DPYD: variants seen among roughly 807,000 people sequenced by gnomAD.
DPYD encodes the protein dihydropyrimidine dehydrogenase, also known as dihydropyrimidine dehydrogenase [NADP(+)].
A neutral mutation model predicts 116.2 loss-of-function variants in DPYD; 109 were observed. The ratio of observed to expected loss-of-function variants is 0.94; its 90% CI spans 0.80 to 1.10. The LOEUF is 1.10. Among genes scored for constraint, DPYD ranks in the 50% least tolerant of loss-of-function variants. The probability of loss-of-function intolerance (pLI) is 0.00; values close to 1 mark genes in which losing one functional copy is unlikely to be tolerated. For synonymous variants in DPYD, 440 were observed against 432.0 expected (o/e 1.02, Z -0.23); for missense variants, 1,302 against 1,254.5 (o/e 1.04, Z -0.57).
intron 8 of DPYD, among the ~76,000 whole-genome samples, chr1:97,646,306 G>T (rs1658254058): frequency 6.6e-6 from 1 of 151,144 alleles, no homozygotes. Flanking sequence ...ACTTTTATCT[G>T]TATCTTCTTT....
chr1:97,559,234 T>TA (rs1245984448), intron 11 of DPYD, among the ~76,000 whole-genome samples: 5 of 152,146 alleles, frequency 3.3e-5, no homozygotes, highest in Non-Finnish European at 5.9e-5. Flanking sequence ...TGAAAGGGGT[T>TA]AAGAAAAATG....
At chr1:97,667,694 T>C (rs528653489) in intron 8 of DPYD, among the ~76,000 whole-genome samples, 3 of 152,220 alleles carry the variant, frequency 2.0e-5, no homozygotes, top group African/African-American at 7.2e-5. Context: ...CCAAATTATC[T>C]AGCAATTCCA....
rs193174174 is a variant in DPYD at position 97,807,997 on chromosome 1, C to G, written c.233+20117G>C. Among the ~76,000 whole-genome samples the G allele has an allele frequency of 7.6e-4, 116 of 152,210 alleles. 4 individuals carry two copies. Among genetic ancestry groups the G allele is most frequent in the Non-Finnish European group, 1.0e-4 (7 of 67,972 alleles). On this transcript the variant is annotated intron_variant, in intron 3 of 22. Transcript: ENST00000370192. Reference sequence around the variant, plus strand: ...ATCGTGTCTATCCTTTCAATAACACCACATTGCCTTGACTACTGCAGCTTT... The same window carrying G: ...ATCGTGTCTATCCTTTCAATAACACGACATTGCCTTGACTACTGCAGCTTT...
chr1:97,707,206 AC>A (rs1377101978), intron 5 of DPYD, among the ~76,000 whole-genome samples: 1 of 152,036 alleles, frequency 6.6e-6, no homozygotes, highest in Non-Finnish European at 1.5e-5. Flanking sequence ...CTTAAAAACA[AC>A]CCCAGGAGAA....
chr1:97,130,565 A>G (rs940527288), intron 20 of DPYD, among the ~76,000 whole-genome samples: 4 of 152,108 alleles, frequency 2.6e-5, no homozygotes, highest in African/African-American at 7.2e-5. Flanking sequence ...TATGACTTAC[A>G]TACACATAGA....
intron 19 of DPYD, among the ~76,000 whole-genome samples, chr1:97,225,560 G>GTTT (rs59058167): frequency 1.7e-5 from 2 of 115,764 alleles, no homozygotes; most frequent in African/African-American, 6.1e-5. Flanking sequence ...AAATCAGGTT[G>GTTT]TTTTTTTTTT....
chr1:97,111,006 TA>T (rs960296037), intron 20 of DPYD, among the ~76,000 whole-genome samples: 1 of 131,984 alleles, frequency 7.6e-6, no homozygotes, highest in African/African-American at 2.8e-5. Flanking sequence ...CATCTCTATT[TA>T]AAAAAAATAA....
Position 97,797,167 on chromosome 1 carries a change from C to T in DPYD, c.233+30947G>A, listed in dbSNP as rs554767471. The T allele has an allele frequency of 1.2e-4, 19 of 152,212 alleles. No individual in the cohort carries two copies. The South Asian group carries it at 1.9e-3, about 15-fold the overall frequency. 9.4% of individuals were successfully genotyped at this position (152,212 alleles called of 1,614,324 possible). On this transcript the variant is annotated intron_variant, in intron 3 of 22. Transcript: ENST00000370192. ...ACAAAAATGTAATACATTTATCTTG[C>T]TTTCTTTTCTATTTCCTCCCCTGAA...
intron 12 of DPYD, among the ~76,000 whole-genome samples, chr1:97,540,372 CA>C (rs1230033290): frequency 8.4e-6 from 1 of 118,972 alleles, no homozygotes; most frequent in African/African-American, 2.7e-5. Context: ...CAAAACAAAA[CA>C]AAACAAAACA....
chr1:97,152,470 A>ACACACACACT (rs1277450816), intron 20 of DPYD, among the ~76,000 whole-genome samples: 3 of 150,774 alleles, frequency 2.0e-5, no homozygotes, highest in African/African-American at 7.3e-5. Context: ...ACACACACAC[A>ACACACACACT]CTTACATAAA....
chr1:97,754,989 A>C (rs1008439137), intron 3 of DPYD, among the ~76,000 whole-genome samples: 6 of 152,208 alleles, frequency 3.9e-5, no homozygotes, highest in African/African-American at 1.4e-4. Flanking sequence ...TGGACAGGCC[A>C]AGTAACACAT....
chr1:97,775,690 T>C (rs1426655602), intron 3 of DPYD, among the ~76,000 whole-genome samples: 1 of 152,210 alleles, frequency 6.6e-6, no homozygotes, highest in East Asian at 1.9e-4. Flanking sequence ...CTAATGTTTA[T>C]AATCTGTCTT....
intron 4 of DPYD, among the ~76,000 whole-genome samples, chr1:97,723,498 T>C (rs1663040562): frequency 6.6e-6 from 1 of 151,450 alleles, no homozygotes; most frequent in Non-Finnish European, 1.5e-5. Context: ...CTTTTCAATA[T>C]AAGCTGGAGG....
chr1:97,302,165 A>G (rs145992783), intron 18 of DPYD, among the ~76,000 whole-genome samples: 16 of 152,094 alleles, frequency 1.1e-4, no homozygotes, highest in Admixed American at 2.0e-4. Flanking sequence ...GAAAAAGGAA[A>G]GGTCGTAACA....
intron 3 of DPYD, among the ~76,000 whole-genome samples, chr1:97,801,159 T>C (rs376308133): frequency 7.3e-6 from 1 of 137,480 alleles, no homozygotes; most frequent in African/African-American, 2.8e-5. Context: ...AGGATTAGTG[T>C]CCTTCTAAAA....
At chr1:97,720,582 T>C (rs1252333535) in intron 5 of DPYD, 3 of 1,095,026 alleles carry the variant, frequency 2.7e-6, no homozygotes, top group Admixed American at 1.0e-4. Context: ...AGGAAGGGAA[T>C]AACCCTGATT....
rs769491852 is a variant in DPYD at position 97,173,399 on chromosome 1, T to C, written c.2622+19670A>G. On this transcript the variant is annotated intron_variant, in intron 20 of 22. Transcript: ENST00000370192. The stretch of plus-strand genomic sequence containing the variant: ...GTGTGTATATACGTACATATATGTG[T>C]GTATATACGTACGTACATATATGTG... Among the ~76,000 whole-genome samples, 5 of 146,484 alleles carry C rather than the reference T, an allele frequency of 3.4e-5. No homozygotes were observed. The South Asian group carries it at 1.1e-3, about 33-fold the overall frequency.
At chr1:97,644,716 C>G (rs1007779686) in intron 8 of DPYD, among the ~76,000 whole-genome samples, 1 of 151,862 alleles carries the variant, frequency 6.6e-6, no homozygotes, top group Admixed American at 6.6e-5. Context: ...CCTCAGCCTC[C>G]CAAAGTGCTG....
chr1:97,704,783 C>G (rs1263539980), intron 5 of DPYD, among the ~76,000 whole-genome samples: 2 of 151,780 alleles, frequency 1.3e-5, no homozygotes, highest in African/African-American at 4.8e-5. Flanking sequence ...TGTCAGTTGT[C>G]CATCAACTGA....
Sources: allele counts gnomAD v4.1 joint callset (sites outside exome capture counted in the v4.1 genomes callset), GRCh38; gene constraint gnomAD v4.1.1; transcripts MANE v1.5; gene names NCBI Gene and HGNC (gene_info 2026-07-23, HGNC 2026-07-21).